Variants in BOP1 observed in about 807,000 individuals in gnomAD.
BOP1 encodes BOP1 ribosomal biogenesis factor.
Under a neutral mutation model 82.9 loss-of-function variants are expected in BOP1, and 54 were observed. That is an observed-to-expected ratio of 0.65 (90% CI 0.52 to 0.82). The LOEUF (loss-of-function observed/expected upper bound fraction) is 0.82, where lower values mean the gene tolerates loss of function less well. Ranked by LOEUF, BOP1 falls within the 40% of genes least tolerant of loss-of-function variation. The pLI is 0.00. For synonymous variants in BOP1, 566 were observed against 451.1 expected (o/e 1.25, Z -3.23); for missense variants, 1,170 against 1,072.0 (o/e 1.09, Z -1.28).
intron 3 of BOP1, 71 bp downstream of exon 3, chr8:144,276,153 A>G (rs1362610498): frequency 1.9e-6 from 3 of 1,577,502 alleles, no homozygotes; most frequent in Non-Finnish European, 2.6e-6. Context: ...CCCAGCCCCA[A>G]CCCCCAGCAC....
At chr8:144,266,667 G>A (rs1292322320) in intron 3 of BOP1, 1 of 1,263,398 alleles carries the variant, frequency 7.9e-7, no homozygotes, top group South Asian at 1.4e-5. Flanking sequence ...TGTACCCCGA[G>A]GTGAGCCCGC....
intron 2 of BOP1, among the ~76,000 whole-genome samples, chr8:144,279,462 T>G (rs1239111699): frequency 2.6e-5 from 4 of 151,976 alleles, no homozygotes; most frequent in African/African-American, 9.7e-5. Context: ...TCCACAGCAC[T>G]GTGACTCGGT....
chr8:144,267,398 C>T (rs1247145826), intron 3 of BOP1, among the ~76,000 whole-genome samples: 1 of 152,154 alleles, frequency 6.6e-6, no homozygotes, highest in Non-Finnish European at 1.5e-5. Context: ...GTGGAGTCCC[C>T]TGCAGGGAGC....
rs1845228157 is a variant in BOP1 at position 144,262,515 on chromosome 8, G to A, written c.1980-12C>T. 1.2e-6 allele frequency: 2 copies of A among 1,612,940 alleles called. No homozygotes were observed. Among genetic ancestry groups the A allele is most frequent in the East Asian group, 2.2e-5 (1 of 44,860 alleles). ...CCTTCTTGTGGTGTCTGGGGGGAGG[G>A]AACCAGGTTGAAGGCAGGCTCGGGC... is the stretch of plus-strand genomic sequence containing the variant. On this transcript the variant is annotated splice_polypyrimidine_tract_variant and intron_variant, in intron 14 of 15. Coordinates refer to ENST00000569669, the MANE Select transcript of BOP1 (RefSeq NM_015201.5).
At chr8:144,276,844 G>A (rs1013921420) in intron 2 of BOP1, among the ~76,000 whole-genome samples, 3 of 152,164 alleles carry the variant, frequency 2.0e-5, no homozygotes, top group Non-Finnish European at 4.4e-5. Flanking sequence ...CGGGGGCCAC[G>A]TCCCGCCCAG....
At chr8:144,282,958 G>A (rs1487037037) in intron 2 of BOP1, among the ~76,000 whole-genome samples, 3 of 151,710 alleles carry the variant, frequency 2.0e-5, no homozygotes, top group Non-Finnish European at 4.4e-5. Context: ...GGAGGCCAAG[G>A]CAGGTGGATT....
At chr8:144,282,512 C>T (rs1003368118) in intron 2 of BOP1, among the ~76,000 whole-genome samples, 4 of 152,130 alleles carry the variant, frequency 2.6e-5, no homozygotes, top group African/African-American at 9.7e-5. Context: ...AGAGGGGTCA[C>T]TGTAGCAGGG....
At chr8:144,276,415 G>C in intron 2 of BOP1, 111 bp from the exon 3 acceptor site, 1 of 1,240,426 alleles carries the variant, frequency 8.1e-7, no homozygotes, top group Non-Finnish European at 1.1e-6. Context: ...CTCCAGCCTG[G>C]CACAGGCCTC....
chr8:144,274,801 C>T (rs1433994664), intron 3 of BOP1, among the ~76,000 whole-genome samples: 1 of 152,156 alleles, frequency 6.6e-6, no homozygotes, highest in African/African-American at 2.4e-5. Context: ...CAGGCCCCGC[C>T]GAGGCCCCTC....
chr8:144,265,517 T>A, intron 3 of BOP1: 1 of 186,158 alleles, frequency 5.4e-6, no homozygotes, highest in Non-Finnish European at 1.1e-5. Flanking sequence ...GACCTCTCTG[T>A]GGGGGACCCC....
chr8:144,269,627 A>G (rs950203589), intron 3 of BOP1, among the ~76,000 whole-genome samples: 5 of 152,360 alleles, frequency 3.3e-5, no homozygotes, highest in Middle Eastern at 3.4e-3. Context: ...TTTCGTTCAG[A>G]GAGAAACCCA....
chr8:144,264,626 A>C lies in BOP1; in HGVS notation c.664-10T>G. On this transcript the variant is annotated splice_polypyrimidine_tract_variant and intron_variant, in intron 5 of 15. Coordinates refer to ENST00000569669, the MANE Select transcript of BOP1 (RefSeq NM_015201.5). ...AGAAGTCGACAGCCGGCTGGGGGAG[A>C]AGATGTGGGCGTGTGGGCCAGAGTG... is the stretch of plus-strand genomic sequence containing the variant. 1 of 1,587,742 alleles carries C rather than the reference A, an allele frequency of 6.3e-7. No homozygotes were observed. Among genetic ancestry groups the C allele is most frequent in the Non-Finnish European group, 8.6e-7 (1 of 1,166,718 alleles).
chr8:144,264,645 C>T, intron 5 of BOP1, 29 bp from the exon 6 acceptor site: 1 of 1,574,000 alleles, frequency 6.4e-7, no homozygotes, highest in Non-Finnish European at 8.6e-7. Flanking sequence ...GCGTGTGGGC[C>T]AGAGTGGCTG....
At chr8:144,277,526 G>A (rs1024316025) in intron 2 of BOP1, among the ~76,000 whole-genome samples, 28 of 152,256 alleles carry the variant, frequency 1.8e-4, no homozygotes, top group African/African-American at 5.8e-4. Flanking sequence ...CTGAAGCACC[G>A]CACGCTGGAG....
intron 2 of BOP1, among the ~76,000 whole-genome samples, chr8:144,277,796 G>T (rs971925288): frequency 1.5e-4 from 22 of 146,364 alleles, no homozygotes; most frequent in Non-Finnish European, 1.2e-4. Context: ...CGAAGGGCAG[G>T]GGCGGTGCGG....
intron 2 of BOP1, among the ~76,000 whole-genome samples, chr8:144,288,646 C>T (rs1814950070): frequency 6.6e-6 from 1 of 152,210 alleles, no homozygotes; most frequent in Non-Finnish European, 1.5e-5. Flanking sequence ...GCAACAGGTA[C>T]AATGTTAAAC....
In BOP1 at chr8:144,263,226, C is replaced by T. The variant is rs1184030561; in HGVS notation, c.1600G>A (p.Gly534Arg). 3.9e-5 allele frequency: 62 copies of T among 1,594,684 alleles called. No homozygotes were observed. The highest frequency in any genetic ancestry group is 4.7e-5 in the Non-Finnish European group (56 of 1,179,158). The part of the protein sequence containing the change: ...QVGLRLRICH[G>R]KPVTQVTWHG... The stretch of plus-strand genomic sequence containing the variant: ...CCCCAAGGCGCCCCACGTACCTTCC[C>T]GTGGCAGATGCGCAGCCGCAGGCCC... The change falls in exon 12 of 16, where the codon GGG becomes AGG. Residue 534 changes from glycine (G) to arginine (R), a missense_variant. Physicochemically the swap from Gly to Arg is moderately radical, Grantham distance 125. Transcript: ENST00000569669.
chr8:144,266,440 G>T (rs1247147651), intron 3 of BOP1: 49 of 933,252 alleles, frequency 5.3e-5, no homozygotes, highest in Non-Finnish European at 6.3e-5. Context: ...GGCGCAGCTC[G>T]GGGCCCCGCT....
At chr8:144,276,787 G>A (rs944095157) in intron 2 of BOP1, among the ~76,000 whole-genome samples, 5 of 152,192 alleles carry the variant, frequency 3.3e-5, no homozygotes, top group Non-Finnish European at 7.4e-5. Flanking sequence ...GGGTCACTGG[G>A]GCCAATGCTC....
Sources: gnomAD v4.1 joint callset for allele counts (sites outside exome capture counted in the v4.1 genomes callset) on GRCh38, gnomAD v4.1.1 for gene constraint, MANE v1.5 for transcripts, NCBI Gene and HGNC (gene_info 2026-07-23, HGNC 2026-07-21) for gene names.